The following FHIT variants were observed in gnomAD, a reference collection of about 807,000 sequenced individuals.
FHIT encodes bis(5'-adenosyl)-triphosphatase.
A neutral mutation model predicts 17.9 loss-of-function variants in FHIT; 19 were observed. That is an observed-to-expected ratio of 1.06 (90% CI 0.74 to 1.56). The LOEUF (loss-of-function observed/expected upper bound fraction) is 1.56, where lower values mean the gene tolerates loss of function less well. Among genes scored for constraint, FHIT ranks in the 40% most tolerant of loss-of-function variants. The probability of loss-of-function intolerance (pLI) is 0.00; values close to 1 mark genes in which losing one functional copy is unlikely to be tolerated. For missense variants in FHIT, 248 were observed against 189.2 expected, an observed-to-expected ratio of 1.31 and a Z score of -1.82; for synonymous variants, 81 against 69.7, an observed-to-expected ratio of 1.16 and a Z score of -0.81.
intron 3 of FHIT, among the ~76,000 whole-genome samples, chr3:60,834,881 G>GAAAAAAAAAAAA (rs71092645): frequency 1.2e-4 from 11 of 94,476 alleles, no homozygotes; most frequent in Non-Finnish European, 1.8e-4. Context: ...GAAAAGAAAA[G>GAAAAAAAAAAAA]AAAAAAAAAA....
At chr3:60,558,783 T>C (rs554659612) in intron 4 of FHIT, among the ~76,000 whole-genome samples, 3 of 152,284 alleles carry the variant, frequency 2.0e-5, no homozygotes, top group African/African-American at 4.8e-5. Flanking sequence ...CAGAATCTTT[T>C]AGATACCATT....
At chr3:60,102,349 G>T (rs959073877) in intron 5 of FHIT, among the ~76,000 whole-genome samples, 25 of 152,176 alleles carry the variant, frequency 1.6e-4, no homozygotes, top group African/African-American at 6.0e-4. Flanking sequence ...AGTTTTGAGG[G>T]TGTGTGAAAG....
chr3:60,444,854 T>G (rs2611412), intron 5 of FHIT, among the ~76,000 whole-genome samples: 2 of 143,032 alleles, frequency 1.4e-5, no homozygotes, highest in Non-Finnish European at 3.1e-5. Flanking sequence ...TAAAAAAAAA[T>G]TTTAAAAAAA....
chr3:59,762,972 G>A (rs1165053885), intron 8 of FHIT, among the ~76,000 whole-genome samples: 2 of 152,224 alleles, frequency 1.3e-5, no homozygotes, highest in African/African-American at 4.8e-5. Flanking sequence ...TGATGAAGCA[G>A]ACTTCGGAGA....
chr3:60,554,014 T>C (rs1164216552), intron 4 of FHIT, among the ~76,000 whole-genome samples: 1 of 151,828 alleles, frequency 6.6e-6, no homozygotes, highest in African/African-American at 2.4e-5. Context: ...TTGAACCCAG[T>C]GGGCAGAGGT....
intron 8 of FHIT, among the ~76,000 whole-genome samples, chr3:59,876,710 G>C (rs897298278): frequency 2.0e-5 from 3 of 152,172 alleles, no homozygotes; most frequent in Admixed American, 6.5e-5. Context: ...CCAGCTTTAA[G>C]CTTTACTTTC....
intron 2 of FHIT, among the ~76,000 whole-genome samples, chr3:61,143,033 G>T (rs1200728099): frequency 6.6e-6 from 1 of 151,984 alleles, no homozygotes; most frequent in South Asian, 2.1e-4. Context: ...TTTCTTACCT[G>T]CATGGAATGT....
chr3:60,091,049 G>C (rs750203696), intron 5 of FHIT, among the ~76,000 whole-genome samples: 1 of 152,188 alleles, frequency 6.6e-6, no homozygotes, highest in Non-Finnish European at 1.5e-5. Context: ...TCAGCTCACT[G>C]ATGCAGAAGC....
chr3:60,391,873 T>C (rs1701246084), intron 5 of FHIT, among the ~76,000 whole-genome samples: 1 of 152,156 alleles, frequency 6.6e-6, no homozygotes, highest in Admixed American at 6.6e-5. Flanking sequence ...TATTAAAATG[T>C]GTCTTGAGCC....
chr3:59,989,024 T>C (rs1393040779), intron 7 of FHIT, among the ~76,000 whole-genome samples: 1 of 152,014 alleles, frequency 6.6e-6, no homozygotes, highest in Non-Finnish European at 1.5e-5. Context: ...GAGGAGCAGT[T>C]TGGGGTAGGG....
rs369620866 is a variant in FHIT, at chr3:59,986,751, T to TAAATATATAAATATATGTATATAA, written c.279+24619_279+24620insTTATATACATATATTTATATATTT. On this transcript the variant is annotated intron_variant, in intron 7 of 9. Coordinates refer to ENST00000492590, the MANE Select transcript of FHIT (RefSeq NM_002012.4). ...ATATAAATATATACATATATTTATA[T>TAAATATATAAATATATGTATATAA]ATATATAAATATATTTATATAAATA... is the stretch of plus-strand genomic sequence containing the variant. Among the ~76,000 whole-genome samples, 11 of 9,140 alleles carry TAAATATATAAATATATGTATATAA rather than the reference T, an allele frequency of 1.2e-3. 2 individuals are homozygous for TAAATATATAAATATATGTATATAA. The highest frequency in any genetic ancestry group is 5.2e-3 in the South Asian group (1 of 194). 6.0% of individuals were successfully genotyped at this position (9,140 alleles called of 152,430 possible). A position where few individuals can be genotyped will look rare whatever the true frequency, so the allele number is the denominator to read the frequency against.
chr3:60,689,082 G>T (rs2107880534), intron 4 of FHIT, among the ~76,000 whole-genome samples: 1 of 152,252 alleles, frequency 6.6e-6, no homozygotes, highest in Non-Finnish European at 1.5e-5. Context: ...TCCTGATAGT[G>T]AATAAGTCTC....
intron 4 of FHIT, among the ~76,000 whole-genome samples, chr3:60,761,873 CT>C (rs1699671823): frequency 6.7e-6 from 1 of 149,756 alleles, no homozygotes; most frequent in South Asian, 2.1e-4. Flanking sequence ...TTTTTTGCTG[CT>C]TCCATCAGCT....
At chr3:60,067,504 T>C (rs1702567837) in intron 5 of FHIT, among the ~76,000 whole-genome samples, 1 of 152,164 alleles carries the variant, frequency 6.6e-6, no homozygotes. Context: ...ATCTTTGATT[T>C]CCTCCTTACA....
chr3:59,767,172 TA>T (rs1701841346), intron 8 of FHIT, among the ~76,000 whole-genome samples: 1 of 152,054 alleles, frequency 6.6e-6, no homozygotes. Context: ...AAAATGCAGA[TA>T]AACCACAAGG....
intron 5 of FHIT, among the ~76,000 whole-genome samples, chr3:60,025,517 C>T (rs6782804): frequency 0.51 from 77,176 of 151,900 alleles, 21,340 homozygotes; most frequent in East Asian, 0.74. Context: ...AGCAATGTGC[C>T]ATAATTCACA....
chr3:60,854,875 T>C (rs1703314277), intron 3 of FHIT, among the ~76,000 whole-genome samples: 1 of 152,146 alleles, frequency 6.6e-6, no homozygotes, highest in Non-Finnish European at 1.5e-5. Flanking sequence ...AAAGAATGGA[T>C]GTAAAGTGGA....
At chr3:60,349,006 G>A (rs555940580) in intron 5 of FHIT, among the ~76,000 whole-genome samples, 2 of 152,156 alleles carry the variant, frequency 1.3e-5, no homozygotes, top group African/African-American at 2.4e-5. Flanking sequence ...GTAGGTATAA[G>A]AGAAATAAAC....
intron 5 of FHIT, among the ~76,000 whole-genome samples, chr3:60,092,931 G>C (rs979119380): frequency 6.6e-6 from 1 of 152,128 alleles, no homozygotes; most frequent in Non-Finnish European, 1.5e-5. Flanking sequence ...AACCAGCTTG[G>C]TGCCAAAGAC....
Sources: allele counts gnomAD v4.1 joint callset (sites outside exome capture counted in the v4.1 genomes callset), GRCh38; gene constraint gnomAD v4.1.1; transcripts MANE v1.5; gene names NCBI Gene and HGNC (gene_info 2026-07-23, HGNC 2026-07-21).